MMP26: variants seen among roughly 807,000 people sequenced by gnomAD.
MMP26 encodes matrix metallopeptidase 26, also known as matrix metalloproteinase-26.
A neutral mutation model predicts 31.0 loss-of-function variants in MMP26; 33 were observed. That is an observed-to-expected ratio of 1.06 (90% CI 0.81 to 1.42). The LOEUF (loss-of-function observed/expected upper bound fraction) is 1.42. Among genes scored for constraint, MMP26 ranks in the 40% most tolerant of loss-of-function variants. The pLI, the probability that MMP26 is intolerant of heterozygous loss-of-function variation, is 0.00. For missense variants in MMP26, 347 were observed against 316.1 expected (o/e 1.10, Z -0.74); for synonymous variants, 122 against 114.9 (o/e 1.06, Z -0.40).
chr11:4,871,767 G>A (rs1230164874), intron 2 of MMP26: 1 of 152,216 alleles, frequency 6.6e-6, no homozygotes, highest in East Asian at 1.9e-4. Context: ...TCTGAGGCCT[G>A]AGAAGTGCTT....
At chr11:4,714,912 T>TCTCTCC (rs1446289189) in intron 1 of MMP26, among the ~76,000 whole-genome samples, 40 of 133,232 alleles carry the variant, frequency 3.0e-4, no homozygotes, top group African/African-American at 1.2e-3. Flanking sequence ...TCTCTCTCTC[T>TCTCTCC]CTCTCTCTCA....
intron 2 of MMP26, among the ~76,000 whole-genome samples, chr11:4,779,177 C>T (rs1848826661): frequency 6.6e-6 from 1 of 152,008 alleles, no homozygotes. Context: ...CATCATTATC[C>T]TGTGACCAAA....
In MMP26 at chr11:4,871,049, A is replaced by G. The variant is rs377371249; in HGVS notation, c.-145+103708A>G. On this transcript the variant is annotated intron_variant, in intron 2 of 7. Transcript: ENST00000380390. ...AGTATAAATTAAAGTAGGAGGAAACATCAAGCAAACATGATTTGAGAGAAA... is the reference window on the plus strand; with the variant it reads ...AGTATAAATTAAAGTAGGAGGAAACGTCAAGCAAACATGATTTGAGAGAAA... 2.0e-5 allele frequency among the ~76,000 whole-genome samples: 3 copies of G among 152,270 alleles called. No homozygotes were observed. The South Asian group carries it at 6.2e-4, about 32-fold the overall frequency.
chr11:4,894,013 T>C (rs180905811), intron 2 of MMP26, among the ~76,000 whole-genome samples: 9 of 152,196 alleles, frequency 5.9e-5, no homozygotes, highest in African/African-American at 2.2e-4. Flanking sequence ...ATATACAAAA[T>C]ACATAAAATA....
chr11:4,793,971 C>T (rs1447310249), intron 2 of MMP26: 4 of 152,106 alleles, frequency 2.6e-5, no homozygotes, highest in Admixed American at 6.5e-5. Context: ...CAGGGTGACA[C>T]AAATGTGGAA....
chr11:4,721,349 T>C (rs1423837442), intron 1 of MMP26, among the ~76,000 whole-genome samples: 1 of 152,208 alleles, frequency 6.6e-6, no homozygotes, highest in African/African-American at 2.4e-5. Flanking sequence ...CATACAATCT[T>C]CTGAAAGCAT....
chr11:4,724,413 A>C (rs2133278111), intron 1 of MMP26, among the ~76,000 whole-genome samples: 1 of 152,344 alleles, frequency 6.6e-6, no homozygotes, highest in Admixed American at 6.5e-5. Context: ...TCTCTGGCCT[A>C]AATAGCATAG....
intron 2 of MMP26, among the ~76,000 whole-genome samples, chr11:4,982,036 G>C (rs1589823859): frequency 6.6e-6 from 1 of 150,712 alleles, no homozygotes; most frequent in South Asian, 2.1e-4. Context: ...AAGTTGTTTT[G>C]CAGTTAACTT....
At chr11:4,709,822 G>A (rs751489506) in intron 1 of MMP26, 4 of 457,256 alleles carry the variant, frequency 8.7e-6, no homozygotes, top group Non-Finnish European at 1.8e-5. Context: ...ACCATGCTGG[G>A]TATTTTCTGG....
At chr11:4,790,863 G>A (rs994511585) in intron 2 of MMP26, among the ~76,000 whole-genome samples, 6 of 152,110 alleles carry the variant, frequency 3.9e-5, no homozygotes, top group Non-Finnish European at 8.8e-5. Context: ...AGTTACTGAC[G>A]TTTAAAAATA....
intron 2 of MMP26, chr11:4,946,339 C>A: frequency 6.2e-7 from 1 of 1,613,762 alleles, no homozygotes; most frequent in Non-Finnish European, 8.5e-7. Context: ...TGATGATGGG[C>A]AGGTAGAAGA....
intron 2 of MMP26, among the ~76,000 whole-genome samples, chr11:4,855,571 G>T (rs1205827806): frequency 6.6e-6 from 1 of 152,194 alleles, no homozygotes; most frequent in Non-Finnish European, 1.5e-5. Context: ...ATGAGACTAT[G>T]TGAAAAGACC....
chr11:4,824,880 T>G (rs951774526), intron 2 of MMP26, among the ~76,000 whole-genome samples: 2 of 152,142 alleles, frequency 1.3e-5, no homozygotes, highest in African/African-American at 4.8e-5. Context: ...ATATTCATAC[T>G]ACCACATACT....
chr11:4,882,435 C>CA (rs1192011622), intron 2 of MMP26: 2 of 1,608,778 alleles, frequency 1.2e-6, no homozygotes, highest in Non-Finnish European at 1.7e-6. Context: ...CTTTCCCATC[C>CA]ATTTTGCTAC....
chr11:4,799,886 C>T (rs1406133940), intron 2 of MMP26, among the ~76,000 whole-genome samples: 1 of 152,200 alleles, frequency 6.6e-6, no homozygotes, highest in African/African-American at 2.4e-5. Context: ...ATAATCGCCC[C>T]TTACTCCATG....
intron 2 of MMP26, among the ~76,000 whole-genome samples, chr11:4,970,700 G>A (rs1214404090): frequency 6.6e-6 from 1 of 152,184 alleles, no homozygotes; most frequent in Non-Finnish European, 1.5e-5. Flanking sequence ...TGGTGCTGGT[G>A]AGACCAAATG....
intron 2 of MMP26, chr11:4,769,026 T>A: frequency 6.5e-7 from 1 of 1,527,516 alleles, no homozygotes; most frequent in Non-Finnish European, 8.8e-7. Context: ...ATTTGTTTTG[T>A]TTTTACACTG....
chr11:4,986,692 G>T (rs989260641), intron 2 of MMP26, among the ~76,000 whole-genome samples: 2 of 150,684 alleles, frequency 1.3e-5, no homozygotes, highest in African/African-American at 4.9e-5. Flanking sequence ...CACCATGCTG[G>T]GCTAATTTTT....
intron 1 of MMP26, among the ~76,000 whole-genome samples, chr11:4,727,484 G>C (rs1589884840): frequency 1.3e-5 from 2 of 152,048 alleles, no homozygotes; most frequent in East Asian, 3.9e-4. Context: ...AAAATGTTTG[G>C]TTTAGTACAA....
Sources: gnomAD v4.1 joint callset for allele counts (sites outside exome capture counted in the v4.1 genomes callset) on GRCh38, gnomAD v4.1.1 for gene constraint, MANE v1.5 for transcripts, NCBI Gene and HGNC (gene_info 2026-07-23, HGNC 2026-07-21) for gene names.